Variants in EGFLAM observed in about 807,000 individuals in gnomAD.
The protein encoded by EGFLAM is EGF like, fibronectin type III and laminin G domains.
Under a neutral mutation model 113.1 loss-of-function variants are expected in EGFLAM, and 79 were observed. The ratio of observed to expected loss-of-function variants is 0.70; its 90% CI spans 0.58 to 0.84. The LOEUF (loss-of-function observed/expected upper bound fraction) is 0.84, where lower values mean the gene tolerates loss of function less well. Ranked by LOEUF, EGFLAM falls within the 40% of genes least tolerant of loss-of-function variation. The pLI is 0.00. For missense variants in EGFLAM, 1,265 were observed against 1,291.6 expected, an observed-to-expected ratio of 0.98 and a Z score of 0.32; for synonymous variants, 504 against 487.6, an observed-to-expected ratio of 1.03 and a Z score of -0.44.
intron 1 of EGFLAM, among the ~76,000 whole-genome samples, chr5:38,276,542 A>G (rs1027274497): frequency 6.6e-6 from 1 of 152,180 alleles, no homozygotes; most frequent in African/African-American, 2.4e-5. Flanking sequence ...AATAAACTAA[A>G]CTCAAAATTA....
chr5:38,414,645 G>A (rs1267279061), intron 11 of EGFLAM, among the ~76,000 whole-genome samples: 1 of 152,176 alleles, frequency 6.6e-6, no homozygotes, highest in African/African-American at 2.4e-5. Context: ...CAGACAAATT[G>A]GAGCAGTTCC....
At chr5:38,337,738 C>A in intron 2 of EGFLAM, 109 bp downstream of exon 2, 1 of 867,352 alleles carries the variant, frequency 1.2e-6, no homozygotes, top group South Asian at 1.7e-5. Flanking sequence ...ATAACTGCCC[C>A]ATTCTCCCTC....
chr5:38,365,559 G>A (rs1740037609), intron 5 of EGFLAM, among the ~76,000 whole-genome samples: 1 of 152,170 alleles, frequency 6.6e-6, no homozygotes, highest in Non-Finnish European at 1.5e-5. Flanking sequence ...GAAAAGTTCA[G>A]TGCAGTGTGT....
chr5:38,455,038 C>A (rs1332248315), intron 19 of EGFLAM, among the ~76,000 whole-genome samples: 1 of 152,186 alleles, frequency 6.6e-6, no homozygotes, highest in African/African-American at 2.4e-5. Context: ...AAACCTACCA[C>A]CGGTGGGGTT....
rs763714369 is a variant in EGFLAM at position 38,438,439 on chromosome 5, G to T, written c.2448G>T (p.Gly816=). The T allele has an allele frequency of 1.2e-5, 19 of 1,609,308 alleles. No homozygotes were observed. The highest frequency in any genetic ancestry group is 1.6e-5 in the Non-Finnish European group (19 of 1,176,972). ...YDCDCPLGFE[G]LHCQKAIIEA... The stretch of plus-strand genomic sequence containing the variant: ...GTGACTGCCCCTTGGGCTTTGAGGG[G>T]CTTCACTGCCAGAAAGGTACGCTCA... The change falls in exon 17 of 22, where the codon GGG becomes GGT. Residue 816 remains glycine (G), a synonymous_variant. Coordinates refer to ENST00000322350, the MANE Select transcript of EGFLAM (RefSeq NM_152403.4).
chr5:38,382,628 C>T (rs185700048), intron 6 of EGFLAM, among the ~76,000 whole-genome samples: 1 of 152,282 alleles, frequency 6.6e-6, no homozygotes, highest in East Asian at 1.9e-4. Context: ...CAAATTTAAC[C>T]AATAGCCTAT....
chr5:38,294,287 A>T (rs1188113089), intron 1 of EGFLAM, among the ~76,000 whole-genome samples: 1 of 152,228 alleles, frequency 6.6e-6, no homozygotes, highest in Non-Finnish European at 1.5e-5. Context: ...AGAACACTTC[A>T]AGCATCAAAC....
chr5:38,445,212 T>C (rs995713986), intron 17 of EGFLAM, among the ~76,000 whole-genome samples: 2 of 152,136 alleles, frequency 1.3e-5, no homozygotes, highest in Non-Finnish European at 2.9e-5. Context: ...TATTTTCCAC[T>C]AGGGAGAGAG....
chr5:38,423,959 G>C (rs1445252354), intron 12 of EGFLAM, among the ~76,000 whole-genome samples: 1 of 152,182 alleles, frequency 6.6e-6, no homozygotes, highest in Non-Finnish European at 1.5e-5. Flanking sequence ...TCAGGCCAAG[G>C]AGGGCTCCTG....
chr5:38,460,649 G>A (rs1331972290), intron 20 of EGFLAM, among the ~76,000 whole-genome samples: 2 of 152,168 alleles, frequency 1.3e-5, no homozygotes, highest in Non-Finnish European at 2.9e-5. Flanking sequence ...AGAAGGAGTC[G>A]AGCCCAGGAA....
chr5:38,445,888 T>C (rs1327089876), intron 17 of EGFLAM, among the ~76,000 whole-genome samples: 2 of 152,074 alleles, frequency 1.3e-5, no homozygotes, highest in Non-Finnish European at 2.9e-5. Context: ...CGGCAGCTGC[T>C]GGGGGCGCCC....
intron 1 of EGFLAM, among the ~76,000 whole-genome samples, chr5:38,279,002 TA>T (rs1188356519): frequency 6.6e-6 from 1 of 151,938 alleles, no homozygotes; most frequent in Non-Finnish European, 1.5e-5. Context: ...TATAAGGAAC[TA>T]AAACAATTCA....
rs922575240 is a variant in EGFLAM at position 38,406,961 on chromosome 5, T to C, written c.962T>C (p.Val321Ala). ...PTSASLPVTT[V>A]APQPIPIQRK... is the part of the protein sequence containing the mutation. ...TCAGCATCTCTCCCTGTGACCACGG[T>C]GGCTCCCCAGCCCATTCCCATACAG... The change falls in exon 8 of 22, where the codon GTG (valine) becomes GCG (alanine). Residue 321 changes from valine to alanine, a missense_variant. By Grantham distance (64) the Val-to-Ala change is moderately conservative (BLOSUM62 0). Coordinates refer to ENST00000322350, the MANE Select transcript of EGFLAM (RefSeq NM_152403.4). The C allele has an allele frequency of 6.2e-7, 1 of 1,614,056 alleles. No individual in the cohort carries two copies. The highest frequency in any genetic ancestry group is 8.5e-7 in the Non-Finnish European group (1 of 1,180,040).
At chr5:38,359,182 C>A (rs76472452) in intron 5 of EGFLAM, among the ~76,000 whole-genome samples, 2,505 of 152,284 alleles carry the variant, frequency 0.016, 74 homozygotes, top group African/African-American at 0.058. Flanking sequence ...AAACGTTCCT[C>A]ATCACTGAAG....
chr5:38,378,684 CT>C (rs1740429689), intron 6 of EGFLAM, among the ~76,000 whole-genome samples: 1 of 152,160 alleles, frequency 6.6e-6, no homozygotes, highest in African/African-American at 2.4e-5. Flanking sequence ...GCATCTGTAC[CT>C]TTGAACAGAG....
At chr5:38,441,620 A>ACACG (rs1561095932) in intron 17 of EGFLAM, among the ~76,000 whole-genome samples, 1 of 151,954 alleles carries the variant, frequency 6.6e-6, no homozygotes, top group Non-Finnish European at 1.5e-5. Context: ...ACACACACAC[A>ACACG]CACGCATTCA....
At chr5:38,436,421 A>C (rs186438991) in intron 16 of EGFLAM, among the ~76,000 whole-genome samples, 1 of 152,108 alleles carries the variant, frequency 6.6e-6, no homozygotes, top group African/African-American at 2.4e-5. Context: ...GGCCCCTGGT[A>C]CTGTGACCAT....
chr5:38,393,348 A>T (rs1740865538), intron 6 of EGFLAM, among the ~76,000 whole-genome samples: 1 of 152,062 alleles, frequency 6.6e-6, no homozygotes, highest in African/African-American at 2.4e-5. Flanking sequence ...CAAATCTATT[A>T]CCCTCCTCTC....
At chr5:38,427,985 C>T (rs2956593) in intron 14 of EGFLAM, among the ~76,000 whole-genome samples, 40,588 of 152,078 alleles carry the variant, frequency 0.27, 9,610 homozygotes, top group African/African-American at 0.64. Context: ...TAGATGCAGA[C>T]GCTTTTATTT....
Sources: allele counts gnomAD v4.1 joint callset (sites outside exome capture counted in the v4.1 genomes callset), GRCh38; gene constraint gnomAD v4.1.1; transcripts MANE v1.5; gene names NCBI Gene and HGNC (gene_info 2026-07-23, HGNC 2026-07-21).